The following NOL4L variants were observed in gnomAD, a reference collection of about 807,000 sequenced individuals.
NOL4L encodes the protein nucleolar protein 4-like.
NOL4L carries 7 observed loss-of-function variants against 64.5 expected under a neutral mutation model. The ratio of observed to expected loss-of-function variants is 0.11; its 90% CI spans 0.06 to 0.20. The LOEUF is 0.20. Among genes scored for constraint, NOL4L ranks in the 10% least tolerant of loss-of-function variants. The probability of loss-of-function intolerance (pLI) is 1.00; values close to 1 mark genes in which losing one functional copy is unlikely to be tolerated. For synonymous variants in NOL4L, 413 were observed against 401.0 expected (o/e 1.03, Z -0.36); for missense variants, 680 against 967.1 (o/e 0.70, Z 3.94).
intron 5 of NOL4L, among the ~76,000 whole-genome samples, chr20:32,473,106 G>C (rs1189158335): frequency 1.3e-5 from 2 of 152,318 alleles, no homozygotes; most frequent in South Asian, 4.1e-4. Flanking sequence ...CTCAAAGGGT[G>C]GTCATGAGGA....
At position 32,468,681 on chromosome 20, in the gene NOL4L, A is replaced by T. The variant is rs1033377057; in HGVS notation, c.841+5920T>A. Among the ~76,000 whole-genome samples, 3 of 151,954 alleles carry T rather than the reference A, an allele frequency of 2.0e-5. No homozygotes were observed. In the East Asian group the frequency reaches 5.8e-4, roughly 29 times the overall value. On this transcript the variant is annotated intron_variant, in intron 5 of 10. Transcript: ENST00000621426. ...TTTGGGAGGCCGAGGCGGGCAGATCATGAGGTCAGGAGTTTCAGACCAGCC... is the reference window on the plus strand; with the variant it reads ...TTTGGGAGGCCGAGGCGGGCAGATCTTGAGGTCAGGAGTTTCAGACCAGCC...
intron 5 of NOL4L, among the ~76,000 whole-genome samples, chr20:32,472,098 A>G (rs1379507692): frequency 2.0e-5 from 3 of 152,250 alleles, no homozygotes; most frequent in African/African-American, 7.2e-5. Flanking sequence ...AGGTACTCAG[A>G]TGGGAAGGAT....
chr20:32,462,579 G>A (rs532100358), intron 5 of NOL4L, among the ~76,000 whole-genome samples: 7 of 146,350 alleles, frequency 4.8e-5, no homozygotes, highest in South Asian at 2.2e-4. Flanking sequence ...GTTTTGATCC[G>A]ATTGGAATTC....
intron 4 of NOL4L, among the ~76,000 whole-genome samples, chr20:32,494,266 A>C (rs1247684741): frequency 6.6e-4 from 93 of 141,162 alleles, no homozygotes; most frequent in East Asian, 2.0e-3. Context: ...AAAAAAAAAA[A>C]AAAAAAAAAA....
intron 4 of NOL4L, among the ~76,000 whole-genome samples, chr20:32,493,637 G>C (rs2016554154): frequency 6.6e-6 from 1 of 152,238 alleles, no homozygotes; most frequent in South Asian, 2.1e-4. Flanking sequence ...GCTGGGCACA[G>C]AGCACCGCCC....
Position 32,527,838 on chromosome 20 carries a change from T to A in NOL4L, c.397A>T (p.Ile133Phe). The change falls in exon 2 of 11, where the codon ATC becomes TTC. Residue 133 changes from isoleucine (I) to phenylalanine (F), a missense_variant. Transcript: ENST00000621426. ...GAGCTCTCCACATGCATCGAGTAGATGATGTCAAAGAAATCTTCCACCACA... is the reference window on the plus strand; with the variant it reads ...GAGCTCTCCACATGCATCGAGTAGAAGATGTCAAAGAAATCTTCCACCACA... ...VAVVEDFFDI[I>F]YSMHVESSAE... The A allele has an allele frequency of 6.4e-7, 1 of 1,550,642 alleles. No homozygotes were observed. Among genetic ancestry groups the A allele is most frequent in the Non-Finnish European group, 8.7e-7 (1 of 1,146,974 alleles).
chr20:32,497,881 G>C (rs1268072832), intron 4 of NOL4L, among the ~76,000 whole-genome samples: 1 of 152,218 alleles, frequency 6.6e-6, no homozygotes, highest in Non-Finnish European at 1.5e-5. Flanking sequence ...CCTGACCTGT[G>C]CAAGCTTTTC....
intron 1 of NOL4L, among the ~76,000 whole-genome samples, chr20:32,545,313 A>G (rs959715847): frequency 1.3e-5 from 2 of 152,192 alleles, no homozygotes; most frequent in Non-Finnish European, 2.9e-5. Flanking sequence ...ATTTCATGAA[A>G]GAAGAAAAAC....
chr20:32,475,389 G>A (rs1423689134), intron 4 of NOL4L: 32 of 974,140 alleles, frequency 3.3e-5, no homozygotes, highest in Non-Finnish European at 3.4e-5. Context: ...GCCAGGGTTC[G>A]GACCAGACCG....
At chr20:32,542,865 C>T (rs1001215557) in intron 1 of NOL4L, among the ~76,000 whole-genome samples, 3 of 152,184 alleles carry the variant, frequency 2.0e-5, no homozygotes, top group Non-Finnish European at 2.9e-5. Context: ...ACCTTGGGCA[C>T]GTGACTTAAC....
chr20:32,471,785 T>C (rs925731516), intron 5 of NOL4L, among the ~76,000 whole-genome samples: 5 of 152,070 alleles, frequency 3.3e-5, no homozygotes, highest in Middle Eastern at 3.2e-3. Context: ...ATGCGAGAGC[T>C]GGTTATTTAA....
At chr20:32,564,286 G>A (rs900967334) in intron 1 of NOL4L, among the ~76,000 whole-genome samples, 2 of 152,212 alleles carry the variant, frequency 1.3e-5, no homozygotes, top group Admixed American at 6.5e-5. Flanking sequence ...TTGAAAAAGC[G>A]GATGATTCCC....
At chr20:32,546,446 T>C (rs1233811257) in intron 1 of NOL4L, among the ~76,000 whole-genome samples, 2 of 152,084 alleles carry the variant, frequency 1.3e-5, no homozygotes, top group Admixed American at 6.6e-5. Context: ...CATGTTTTTA[T>C]TTATTTATTT....
Position 32,447,209 on chromosome 20 carries a change from A to AGGTGAGC in NOL4L, c.*386_*387insGCTCACC. 1 of 478,102 alleles carries AGGTGAGC rather than the reference A, an allele frequency of 2.1e-6. No homozygotes were observed. Among genetic ancestry groups the AGGTGAGC allele is most frequent in the Non-Finnish European group, 4.1e-6 (1 of 242,672 alleles). 29.6% of individuals were successfully genotyped at this position (478,102 alleles called of 1,614,324 possible). ...AGAAAGGGTCCACTTTGCTTTTCTC[A>AGGTGAGC]ATAAATATGCAATTCTGCTCACCTA... On this transcript the variant is annotated 3_prime_UTR_variant, in exon 11 of 11. Transcript: ENST00000621426.
intron 1 of NOL4L, among the ~76,000 whole-genome samples, chr20:32,560,299 G>T (rs1978929367): frequency 6.6e-6 from 1 of 152,222 alleles, no homozygotes; most frequent in South Asian, 2.1e-4. Context: ...AAGAGATGGG[G>T]TTTCACACTT....
chr20:32,485,313 G>A (rs901497489), intron 4 of NOL4L, among the ~76,000 whole-genome samples: 1 of 152,010 alleles, frequency 6.6e-6, no homozygotes, highest in Admixed American at 6.6e-5. Flanking sequence ...TTCTTCCTCT[G>A]AAAGCTTTGC....
chr20:32,529,353 C>A (rs181854412), intron 1 of NOL4L, among the ~76,000 whole-genome samples: 1 of 152,308 alleles, frequency 6.6e-6, no homozygotes, highest in East Asian at 1.9e-4. Context: ...CACCATGTTT[C>A]CCCCAGGTAT....
chr20:32,488,768 T>C (rs559998673), intron 4 of NOL4L, among the ~76,000 whole-genome samples: 3 of 54,736 alleles, frequency 5.5e-5, no homozygotes, highest in Admixed American at 4.2e-4. Flanking sequence ...CCTTCCTTCC[T>C]TCCTTCCTTC....
chr20:32,534,881 C>CAAAA (rs57677677), intron 1 of NOL4L, among the ~76,000 whole-genome samples: 1 of 67,876 alleles, frequency 1.5e-5, no homozygotes, highest in Non-Finnish European at 3.4e-5. Context: ...GACCCCATCT[C>CAAAA]AAAAAAAAAA....
Sources: allele counts gnomAD v4.1 joint callset (sites outside exome capture counted in the v4.1 genomes callset), GRCh38; gene constraint gnomAD v4.1.1; transcripts MANE v1.5; gene names NCBI Gene and HGNC (gene_info 2026-07-23, HGNC 2026-07-21).